RIPOR2: variants seen among roughly 807,000 people sequenced by gnomAD.
RIPOR2 encodes the protein RHO family interacting cell polarization regulator 2, also known as rho family-interacting cell polarization regulator 2.
A neutral mutation model predicts 114.5 loss-of-function variants in RIPOR2; 39 were observed. That is an observed-to-expected ratio of 0.34 (90% confidence interval 0.26 to 0.44). The LOEUF is 0.44. Ranked by LOEUF, RIPOR2 falls within the 20% of genes least tolerant of loss-of-function variation. The pLI is 1.00. For missense variants in RIPOR2, 1,007 were observed against 1,255.1 expected, an observed-to-expected ratio of 0.80 and a Z score of 2.99; for synonymous variants, 445 against 484.4, an observed-to-expected ratio of 0.92 and a Z score of 1.07.
intron 1 of RIPOR2, among the ~76,000 whole-genome samples, chr6:25,039,443 T>A (rs1777380033): frequency 6.6e-6 from 1 of 152,218 alleles, no homozygotes; most frequent in African/African-American, 2.4e-5. Context: ...AATATCAGAA[T>A]TCCCTCCTTA....
chr6:25,003,170 C>T (rs999068119), intron 1 of RIPOR2, among the ~76,000 whole-genome samples: 1 of 152,030 alleles, frequency 6.6e-6, no homozygotes, highest in Non-Finnish European at 1.5e-5. Flanking sequence ...CACATAGGGT[C>T]GAATCTTTAA....
intron 1 of RIPOR2, chr6:25,024,175 C>T (rs1353967568): frequency 4.5e-6 from 6 of 1,332,688 alleles, no homozygotes; most frequent in African/African-American, 1.4e-5. Context: ...GCGATTTCCA[C>T]TTGTTTGCTG....
At chr6:24,946,872 C>G (rs1418927105) in intron 1 of RIPOR2, among the ~76,000 whole-genome samples, 1 of 152,192 alleles carries the variant, frequency 6.6e-6, no homozygotes, top group Non-Finnish European at 1.5e-5. Context: ...GAATTCAGGA[C>G]TTGTTAAGTT....
chr6:24,943,262 G>A (rs1485297922), intron 1 of RIPOR2, among the ~76,000 whole-genome samples: 2 of 152,126 alleles, frequency 1.3e-5, no homozygotes, highest in South Asian at 2.1e-4. Context: ...AATACTGCAT[G>A]TTCTCACTCA....
Position 24,917,739 on chromosome 6 carries a change from C to T in RIPOR2, c.61+18099G>A, listed in dbSNP as rs549111218. Among the ~76,000 whole-genome samples, 91 of 152,268 alleles carry T rather than the reference C, an allele frequency of 6.0e-4. 1 individual carries two copies. Among genetic ancestry groups the T allele is most frequent in the African/African-American group, 2.0e-3 (83 of 41,566 alleles). On this transcript the variant is annotated intron_variant, in intron 1 of 21. Transcript: ENST00000643898. ...AGAGACGAGGTTTCAACATGTTGGCCAGGCTGGTCTCGAACCCCTGACCTT... is the reference window on the plus strand; with the variant it reads ...AGAGACGAGGTTTCAACATGTTGGCTAGGCTGGTCTCGAACCCCTGACCTT...
At chr6:24,889,984 C>G (rs1050180279) in intron 1 of RIPOR2, among the ~76,000 whole-genome samples, 1 of 152,112 alleles carries the variant, frequency 6.6e-6, no homozygotes, top group Non-Finnish European at 1.5e-5. Context: ...CTCTGCCTCC[C>G]GGGTTCAAGC....
At chr6:24,902,010 C>T (rs1292391379) in intron 1 of RIPOR2, among the ~76,000 whole-genome samples, 2 of 152,088 alleles carry the variant, frequency 1.3e-5, no homozygotes, top group Non-Finnish European at 2.9e-5. Flanking sequence ...TGACTATTCT[C>T]AACTGGACCT....
intron 1 of RIPOR2, among the ~76,000 whole-genome samples, chr6:24,882,280 T>C (rs1430600174): frequency 2.0e-5 from 3 of 152,236 alleles, no homozygotes; most frequent in Non-Finnish European, 4.4e-5. Context: ...ATTTCAGCAA[T>C]TTCACTACGA....
At chr6:24,935,143 A>G (rs1271159067) in intron 1 of RIPOR2, among the ~76,000 whole-genome samples, 1 of 152,024 alleles carries the variant, frequency 6.6e-6, no homozygotes, top group Non-Finnish European at 1.5e-5. Flanking sequence ...TCCCATCTCT[A>G]CTAAAAATAC....
At chr6:24,869,269 C>T in intron 5 of RIPOR2, 122 bp from the exon 6 acceptor site, 2 of 544,178 alleles carry the variant, frequency 3.7e-6, no homozygotes, top group Non-Finnish European at 3.3e-6. Flanking sequence ...TTTCCCCTTT[C>T]CTTCTATCTT....
In RIPOR2 at chr6:25,022,531, C is replaced by CTTTTTTTTTTTTTTTTTTTTTT. The variant is rs1561848668; in HGVS notation, c.76+19319_76+19320insAAAAAAAAAAAAAAAAAAAAAA. ...CACATATAACTAATGTGGTACCTTC[C>CTTTTTTTTTTTTTTTTTTTTTT]ATTTTTTTTTTTTTTTTTTTTTTTT... On this transcript the variant is annotated intron_variant, in intron 1 of 13. Coordinates refer to the RIPOR2 transcript ENST00000510784. 1.7e-3 allele frequency among the ~76,000 whole-genome samples: 107 copies of CTTTTTTTTTTTTTTTTTTTTTT among 64,506 alleles called. 9 individuals are homozygous for CTTTTTTTTTTTTTTTTTTTTTT. Among genetic ancestry groups the CTTTTTTTTTTTTTTTTTTTTTT allele is most frequent in the Non-Finnish European group, 3.2e-3 (94 of 29,008 alleles). The allele number at this position is 64,506 out of a possible 152,430, so 42.3% of individuals were successfully genotyped here.
intron 1 of RIPOR2, among the ~76,000 whole-genome samples, chr6:24,969,829 T>C (rs1773696980): frequency 6.6e-6 from 1 of 152,114 alleles, no homozygotes; most frequent in Admixed American, 6.5e-5. Context: ...CCTTTCCTGA[T>C]CCTAACCTGG....
At chr6:24,822,111 AC>A (rs1310211664) in intron 19 of RIPOR2, among the ~76,000 whole-genome samples, 1 of 152,216 alleles carries the variant, frequency 6.6e-6, no homozygotes, top group Admixed American at 6.5e-5. Context: ...AAAATCCAAA[AC>A]AAACCTGAGA....
At chr6:24,925,660 C>T (rs1278495619) in intron 1 of RIPOR2, among the ~76,000 whole-genome samples, 1 of 151,916 alleles carries the variant, frequency 6.6e-6, no homozygotes, top group Non-Finnish European at 1.5e-5. Context: ...CAAGATTGCA[C>T]CACTGTACTC....
intron 1 of RIPOR2, among the ~76,000 whole-genome samples, chr6:25,022,349 T>A (rs369664534): frequency 3.9e-5 from 6 of 152,216 alleles, no homozygotes; most frequent in African/African-American, 1.4e-4. Flanking sequence ...GTCTGGCTTC[T>A]TTCACTTAGG....
chr6:24,946,123 C>T (rs1209074221), intron 1 of RIPOR2, among the ~76,000 whole-genome samples: 1 of 151,654 alleles, frequency 6.6e-6, no homozygotes, highest in African/African-American at 2.4e-5. Flanking sequence ...TACTCTGTTG[C>T]CCAGGCTGGA....
chr6:24,944,762 A>C (rs547084099), intron 1 of RIPOR2, among the ~76,000 whole-genome samples: 1 of 152,198 alleles, frequency 6.6e-6, no homozygotes, highest in Non-Finnish European at 1.5e-5. Context: ...ATAATCAAAC[A>C]GTAGAAAGTC....
chr6:24,977,280 C>G (rs1436295953), intron 1 of RIPOR2, among the ~76,000 whole-genome samples: 1 of 132,796 alleles, frequency 7.5e-6, no homozygotes, highest in Admixed American at 7.3e-5. Flanking sequence ...GAAAAAAATA[C>G]CAAAAATCAT....
intron 1 of RIPOR2, among the ~76,000 whole-genome samples, chr6:24,979,232 C>T (rs367616788): frequency 6.6e-6 from 1 of 150,694 alleles, no homozygotes; most frequent in South Asian, 2.1e-4. Context: ...CTGGGAAAAC[C>T]GAAAACCAAA....
Sources: allele counts gnomAD v4.1 joint callset (sites outside exome capture counted in the v4.1 genomes callset), GRCh38; gene constraint gnomAD v4.1.1; transcripts MANE v1.5; gene names NCBI Gene and HGNC (gene_info 2026-07-23, HGNC 2026-07-21).